PRKAR1A: variants seen among roughly 807,000 people sequenced by gnomAD.
PRKAR1A encodes the protein protein kinase cAMP-dependent type I regulatory subunit alpha, also known as cAMP-dependent protein kinase type I-alpha regulatory subunit.
Under a neutral mutation model 52.0 loss-of-function variants are expected in PRKAR1A, and 3 were observed. The ratio of observed to expected loss-of-function variants is 0.06; its 90% CI spans 0.03 to 0.15. PRKAR1A has a LOEUF of 0.15. Among genes scored for constraint, PRKAR1A ranks in the 10% least tolerant of loss-of-function variants. PRKAR1A has a pLI of 1.00. For synonymous variants in PRKAR1A, 188 were observed against 168.4 expected, an observed-to-expected ratio of 1.12 and a Z score of -0.90; for missense variants, 240 against 477.4, an observed-to-expected ratio of 0.50 and a Z score of 4.63.
chr17:68,495,956 TC>T, the PRKAR1A span, among the ~76,000 whole-genome samples: 2 of 88,578 alleles, frequency 2.3e-5, no homozygotes, highest in African/African-American at 9.4e-5. Flanking sequence ...TTTCCTTTCC[TC>T]TCCTCTCTCC....
In PRKAR1A at chr17:68,531,173, T is replaced by C; in HGVS notation, c.*724T>C. On this transcript the variant is annotated 3_prime_UTR_variant, in exon 11 of 11. Coordinates refer to ENST00000589228, the MANE Select transcript of PRKAR1A (RefSeq NM_002734.5). ...TTAAGTTTGAAACTAACTCATAGATTGCAAATATTGGTTAGTATTTAACTA... is the reference window on the plus strand; with the variant it reads ...TTAAGTTTGAAACTAACTCATAGATCGCAAATATTGGTTAGTATTTAACTA... 9.4e-7 allele frequency: 1 copy of C among 1,065,568 alleles called. No homozygotes were observed. Among genetic ancestry groups the C allele is most frequent in the East Asian group, 5.0e-5 (1 of 20,154 alleles). The allele number at this position is 1,065,568 out of a possible 1,614,324, so 66.0% of individuals were successfully genotyped here.
chr17:68,487,809 AAAAAAAG>A, the PRKAR1A span, among the ~76,000 whole-genome samples: 2 of 151,946 alleles, frequency 1.3e-5, no homozygotes, highest in Non-Finnish European at 2.9e-5. Flanking sequence ...CAGACAAAAA[AAAAAAAG>A]AAAAAAGAAA....
At chr17:68,433,780 T>TTTTTG in the PRKAR1A span, among the ~76,000 whole-genome samples, 2 of 126,016 alleles carry the variant, frequency 1.6e-5, no homozygotes, top group African/African-American at 6.4e-5. Context: ...TTTTTTTTTT[T>TTTTTG]TTTTTTTTTT....
the PRKAR1A span, among the ~76,000 whole-genome samples, chr17:68,498,710 A>C: frequency 6.6e-6 from 1 of 152,240 alleles, no homozygotes; most frequent in African/African-American, 2.4e-5. Flanking sequence ...ATCCCACGCC[A>C]CTGCCCGCTT....
intron 11 of PRKAR1A, among the ~76,000 whole-genome samples, chr17:68,547,337 A>G (rs559121653): frequency 4.9e-4 from 74 of 152,314 alleles, no homozygotes; most frequent in African/African-American, 1.8e-3. Context: ...TTTGTTACAT[A>G]TGTATACATG....
At chr17:68,422,993 T>TGTCAGTATG in the PRKAR1A span, among the ~76,000 whole-genome samples, 2 of 152,070 alleles carry the variant, frequency 1.3e-5, no homozygotes. Flanking sequence ...CGCAGGGAAG[T>TGTCAGTATG]GTCAGTATGT....
chr17:68,525,690 G>A (rs1279437719), intron 6 of PRKAR1A, 64 bp from the exon 7 acceptor site: 4 of 1,551,066 alleles, frequency 2.6e-6, no homozygotes, highest in Non-Finnish European at 3.6e-6. Context: ...AAGGTTTGAG[G>A]GTTTTTAACA....
chr17:68,492,674 T>C, the PRKAR1A span, among the ~76,000 whole-genome samples: 200 of 152,222 alleles, frequency 1.3e-3, 2 homozygotes, highest in Non-Finnish European at 2.1e-3. Context: ...TGGCGGTGAA[T>C]CTGTATCAGT....
chr17:68,512,298 C>T (rs2085281332), upstream of PRKAR1A: 1 of 153,260 alleles, frequency 6.5e-6, no homozygotes, highest in South Asian at 2.1e-4. Context: ...AGGGTCCTTC[C>T]AAGAGCGACC....
chr17:68,427,081 G>T, the PRKAR1A span: 1 of 1,451,188 alleles, frequency 6.9e-7, no homozygotes, highest in Non-Finnish European at 9.7e-7. Flanking sequence ...GCAGGGAGAA[G>T]GGGAGGGAGG....
rs116996069 is a variant in PRKAR1A, at chr17:68,531,261, A to C, written c.*812A>C. 278 of 1,066,418 alleles carry C rather than the reference A, an allele frequency of 2.6e-4. 2 individuals are homozygous for C. The South Asian group carries it at 8.3e-3, about 32-fold the overall frequency. The allele number at this position is 1,066,418 out of a possible 1,614,324, so 66.1% of individuals were successfully genotyped here. A position where few individuals can be genotyped will look rare whatever the true frequency, so the allele number is the denominator to read the frequency against. On this transcript the variant is annotated 3_prime_UTR_variant, in exon 11 of 11. Coordinates refer to ENST00000589228, the MANE Select transcript of PRKAR1A (RefSeq NM_002734.5). ...TCCAGCTAGTGCCAAATAATTGATC[A>C]GATGCTGAATTGAGAATAAGAATTT...
At chr17:68,543,761 C>G in intron 11 of PRKAR1A, 1 of 1,555,588 alleles carries the variant, frequency 6.4e-7, no homozygotes, top group South Asian at 1.1e-5. Flanking sequence ...ACTCAGACTT[C>G]AGCTGGGAGC....
At chr17:68,528,534 T>A (rs1294893112) in intron 8 of PRKAR1A, 2 of 269,480 alleles carry the variant, frequency 7.4e-6, no homozygotes, top group Non-Finnish European at 1.4e-5. Context: ...AAACTATGAC[T>A]TTTGAGTATT....
At chr17:68,451,809 G>A in the PRKAR1A span, among the ~76,000 whole-genome samples, 1 of 152,144 alleles carries the variant, frequency 6.6e-6, no homozygotes, top group African/African-American at 2.4e-5. Context: ...AAGTACTTCT[G>A]TACTCAGGAA....
At chr17:68,508,017 A>C (rs1272739586), upstream of PRKAR1A, among the ~76,000 whole-genome samples, 2 of 152,160 alleles carry the variant, frequency 1.3e-5, no homozygotes, top group Non-Finnish European at 2.9e-5. Flanking sequence ...ACATTGAGTA[A>C]AGCAGATTAC....
chr17:68,421,957 C>G, the PRKAR1A span: 1 of 1,013,472 alleles, frequency 9.9e-7, no homozygotes. Context: ...TCTGAACTCG[C>G]TCATGGCCAC....
At chr17:68,425,156 C>A in the PRKAR1A span, among the ~76,000 whole-genome samples, 6 of 152,190 alleles carry the variant, frequency 3.9e-5, no homozygotes, top group African/African-American at 1.4e-4. Context: ...TAAAGGTGCT[C>A]GGGCAAGCTC....
In PRKAR1A at chr17:68,539,483, A is replaced by T. The variant is rs1600516421; in HGVS notation, c.973+9482A>T. The stretch of plus-strand genomic sequence containing the variant: ...TCCTCTCTCCTCTCAGCATTTTGTG[A>T]ATCAGAGATTGGGGTAAAATGCCAG... On this transcript the variant is annotated intron_variant, in intron 11 of 11. Transcript: ENST00000585981. The T allele has an allele frequency of 6.4e-6, 8 of 1,246,446 alleles. No individual in the cohort carries two copies. The East Asian group carries it at 1.9e-4, about 29-fold the overall frequency. The allele number at this position is 1,246,446 out of a possible 1,614,324, so 77.2% of individuals were successfully genotyped here. A position where few individuals can be genotyped will look rare whatever the true frequency, so the allele number is the denominator to read the frequency against.
At chr17:68,453,009 C>T in the PRKAR1A span, 1 of 1,599,452 alleles carries the variant, frequency 6.3e-7, no homozygotes, top group Non-Finnish European at 8.6e-7. Context: ...AGGATAATGA[C>T]AGCATGGGAA....
Sources: allele counts gnomAD v4.1 joint callset (sites outside exome capture counted in the v4.1 genomes callset), GRCh38; gene constraint gnomAD v4.1.1; transcripts MANE v1.5; gene names NCBI Gene and HGNC (gene_info 2026-07-23, HGNC 2026-07-21).